The following JMJD1C variants were observed in gnomAD, a reference collection of about 807,000 sequenced individuals.
JMJD1C encodes the protein jumonji domain containing 1C.
JMJD1C carries 31 observed loss-of-function variants against 245.3 expected under a neutral mutation model. The ratio of observed to expected loss-of-function variants is 0.13; its 90% confidence interval spans 0.09 to 0.17. The LOEUF (loss-of-function observed/expected upper bound fraction) is 0.17, where lower values mean the gene tolerates loss of function less well. JMJD1C is among the 10% of genes least tolerant of loss of function. JMJD1C has a pLI of 1.00. For missense variants in JMJD1C, 2,691 were observed against 3,000.2 expected, an observed-to-expected ratio of 0.90 and a Z score of 2.41; for synonymous variants, 1,057 against 1,017.4, an observed-to-expected ratio of 1.04 and a Z score of -0.74.
At chr10:63,409,712 A>C (rs1387279243) in intron 1 of JMJD1C, among the ~76,000 whole-genome samples, 1 of 152,200 alleles carries the variant, frequency 6.6e-6, no homozygotes, top group Admixed American at 6.5e-5. Flanking sequence ...TTGTACACCT[A>C]AAGTTACAAC....
intron 1 of JMJD1C, among the ~76,000 whole-genome samples, chr10:63,446,328 A>T (rs1387870007): frequency 6.6e-6 from 1 of 152,210 alleles, no homozygotes; most frequent in Non-Finnish European, 1.5e-5. Flanking sequence ...CTCAAGGCAG[A>T]ACAGGTTAGT....
At chr10:63,479,194 G>C (rs559537312) in intron 1 of JMJD1C, among the ~76,000 whole-genome samples, 2 of 150,858 alleles carry the variant, frequency 1.3e-5, no homozygotes, top group African/African-American at 4.9e-5. Context: ...AACTTAATGA[G>C]AGAGAGAAAA....
chr10:63,508,751 T>C (rs1008714493), intron 1 of JMJD1C, among the ~76,000 whole-genome samples: 1 of 152,232 alleles, frequency 6.6e-6, no homozygotes, highest in African/African-American at 2.4e-5. Flanking sequence ...GTAAATGGTA[T>C]TGTGTTTTTA....
chr10:63,337,143 C>T (rs1201172170), intron 2 of JMJD1C, among the ~76,000 whole-genome samples: 1 of 151,894 alleles, frequency 6.6e-6, no homozygotes, highest in Non-Finnish European at 1.5e-5. Context: ...GCCTGGCCAA[C>T]TCTAGCCCTC....
intron 2 of JMJD1C, among the ~76,000 whole-genome samples, chr10:63,323,274 A>G (rs568540001): frequency 6.6e-6 from 1 of 152,290 alleles, no homozygotes; most frequent in South Asian, 2.1e-4. Flanking sequence ...TGTAATCCTA[A>G]CACTTCTGGG....
intron 2 of JMJD1C, among the ~76,000 whole-genome samples, chr10:63,308,472 A>G (rs1016710915): frequency 6.6e-6 from 1 of 152,210 alleles, no homozygotes. Context: ...GTCCACGAAC[A>G]AAGACAGAGA....
Position 63,207,286 on chromosome 10 carries a change from A to T in JMJD1C, c.4383T>A (p.Ser1461Arg), listed in dbSNP as rs1352539504. The T allele has an allele frequency of 6.2e-7, 1 of 1,613,824 alleles. No individual in the cohort carries two copies. The highest frequency in any genetic ancestry group is 1.7e-5 in the Admixed American group (1 of 60,028). ...TGGGTTGAACAACACTTCCTGTCTT[A>T]CTACTGGCTAATGTAACTGGTGCTG... ...STTAPVTLASSKTGSVVQPSS... is the reference protein window; with the variant it reads ...STTAPVTLASRKTGSVVQPSS... The change falls in exon 10 of 26, where the codon AGT (serine) becomes AGA (arginine). Residue 1461 changes from serine to arginine, a missense_variant. By Grantham distance (110) the Ser-to-Arg change is moderately radical (BLOSUM62 -1). Transcript: ENST00000399262.
chr10:63,444,343 G>T (rs558767715), intron 1 of JMJD1C, among the ~76,000 whole-genome samples: 33 of 151,844 alleles, frequency 2.2e-4, no homozygotes, highest in Non-Finnish European at 4.9e-4. Context: ...GCACAATCTC[G>T]ACTCACCGCA....
intron 2 of JMJD1C, among the ~76,000 whole-genome samples, chr10:63,341,470 C>T (rs1943372841): frequency 6.6e-6 from 1 of 152,184 alleles, no homozygotes; most frequent in Non-Finnish European, 1.5e-5. Context: ...AATATGCATA[C>T]ATAAATGTAC....
intron 2 of JMJD1C, among the ~76,000 whole-genome samples, chr10:63,310,391 C>A (rs2134043932): frequency 6.6e-6 from 1 of 152,184 alleles, no homozygotes; most frequent in East Asian, 1.9e-4. Flanking sequence ...TATAAAGTTA[C>A]AATATTTAAG....
At position 63,192,990 on chromosome 10, in the gene JMJD1C, T is replaced by C. The variant is rs2133006517; in HGVS notation, c.6024A>G (p.Pro2008=). The C allele has an allele frequency of 6.2e-7, 1 of 1,614,156 alleles. No homozygotes were observed. The highest frequency in any genetic ancestry group is 8.5e-7 in the Non-Finnish European group (1 of 1,180,020). Residue 2008 remains proline, a synonymous_variant, in exon 16 of 26, where the codon CCA becomes CCG. Transcript: ENST00000399262. Reference sequence around the variant, plus strand: ...CTGCAAGATCTGCTAACCAGTGCAGTGGTGACTGGGATTCTGGAGGAGTTA... The same window carrying C: ...CTGCAAGATCTGCTAACCAGTGCAGCGGTGACTGGGATTCTGGAGGAGTTA... The part of the protein sequence containing the change: ...NKLTPPESQS[P]LHWLADLAEQ...
rs1226801045 is a variant in JMJD1C at position 63,192,938 on chromosome 10, C to CT, written c.6075dup (p.Glu2026ArgfsTer8). The CT allele has an allele frequency of 5.0e-6, 8 of 1,607,472 alleles. No individual in the cohort carries two copies. The highest frequency in any genetic ancestry group is 2.2e-5 in the East Asian group (1 of 44,826). ...TGCCTAGATAATCAATTATGTTTAC[C>CT]TTTTTTTTCCTCTCTGGCTTTTTGC... On this transcript the variant is annotated frameshift_variant and splice_region_variant, in exon 16 of 26. Transcript: ENST00000399262. LOFTEE classifies it high-confidence loss of function.
Position 63,264,657 on chromosome 10 carries a change from G to T in JMJD1C, c.441C>A (p.Pro147=). The T allele has an allele frequency of 6.9e-7, 1 of 1,444,880 alleles. No homozygotes were observed. The highest frequency in any genetic ancestry group is 9.5e-7 in the Non-Finnish European group (1 of 1,055,818). 89.5% of individuals were successfully genotyped at this position (1,444,880 alleles called of 1,614,324 possible). The change falls in exon 3 of 26, where the codon CCC becomes CCA. Residue 147 remains proline (P), a synonymous_variant. Coordinates refer to ENST00000399262, the MANE Select transcript of JMJD1C (RefSeq NM_032776.3). ...DFLTEDSAFQ[P]YQDDIDSLNP... is the part of the protein sequence containing the mutation. ...GTAATCTAAAATTTCTTACCTGGTAGGGCTGAAAGGCACTATCTTCAGTTA... is the reference window on the plus strand; with the variant it reads ...GTAATCTAAAATTTCTTACCTGGTATGGCTGAAAGGCACTATCTTCAGTTA...
intron 1 of JMJD1C, chr10:63,427,711 G>A: frequency 7.5e-7 from 1 of 1,325,200 alleles, no homozygotes; most frequent in East Asian, 2.3e-5. Context: ...CTTATTTGGT[G>A]TCTCCAGAAG....
At chr10:63,199,142 C>T (rs1589127090) in intron 11 of JMJD1C, among the ~76,000 whole-genome samples, 1 of 152,080 alleles carries the variant, frequency 6.6e-6, no homozygotes, top group East Asian at 1.9e-4. Context: ...TTTAAAAATG[C>T]CAACTATACA....
rs144520897 is a variant in JMJD1C at position 63,189,892 on chromosome 10, AT to A, written c.6292-447del. On this transcript the variant is annotated intron_variant, in intron 17 of 25. Coordinates refer to ENST00000399262, the MANE Select transcript of JMJD1C (RefSeq NM_032776.3). Reference sequence around the variant, plus strand: ...CCCAATACTCCATATATATATACACATTTTTTTTTTTTTTTGAGATGGGAGT... The same window carrying A: ...CCCAATACTCCATATATATATACACATTTTTTTTTTTTTTGAGATGGGAGT... Among the ~76,000 whole-genome samples the A allele has an allele frequency of 5.3e-3, 728 of 136,398 alleles. 2 individuals carry two copies. Among genetic ancestry groups the A allele is most frequent in the Non-Finnish European group, 5.8e-3 (362 of 62,896 alleles). 89.5% of individuals were successfully genotyped at this position (136,398 alleles called of 152,430 possible). A position where few individuals can be genotyped will look rare whatever the true frequency, so the allele number is the denominator to read the frequency against.
intron 3 of JMJD1C, among the ~76,000 whole-genome samples, chr10:63,239,865 T>C (rs1157976357): frequency 3.3e-5 from 5 of 152,142 alleles, no homozygotes; most frequent in African/African-American, 7.2e-5. Context: ...ATACAGTAAA[T>C]AGACAGCAGA....
At position 63,220,059 on chromosome 10, in the gene JMJD1C, G is replaced by A. The variant is rs1414618326; in HGVS notation, c.448-76C>T. ...ATGTTACCGACTTTCCCTCCTATAC[G>A]TTCTAAGGACTGAATAAAATTCCTT... On this transcript the variant is annotated intron_variant, in intron 3 of 25. Coordinates refer to ENST00000399262, the MANE Select transcript of JMJD1C (RefSeq NM_032776.3). 37 of 1,051,470 alleles carry A rather than the reference G, an allele frequency of 3.5e-5. 1 individual carries two copies. The highest frequency in any genetic ancestry group is 1.4e-4 in the Admixed American group (7 of 49,232). The allele number at this position is 1,051,470 out of a possible 1,614,324, so 65.1% of individuals were successfully genotyped here.
chr10:63,306,619 A>G (rs892418265), intron 2 of JMJD1C, among the ~76,000 whole-genome samples: 7 of 152,212 alleles, frequency 4.6e-5, no homozygotes, highest in Admixed American at 2.6e-4. Flanking sequence ...TTCACATTTT[A>G]TCTTAAGAGT....
Sources: gnomAD v4.1 joint callset for allele counts (sites outside exome capture counted in the v4.1 genomes callset) on GRCh38, gnomAD v4.1.1 for gene constraint, MANE v1.5 for transcripts, NCBI Gene and HGNC (gene_info 2026-07-23, HGNC 2026-07-21) for gene names.